WWOX: variants seen among roughly 807,000 people sequenced by gnomAD.
The protein encoded by WWOX is WW domain containing oxidoreductase.
Under a neutral mutation model 46.2 loss-of-function variants are expected in WWOX, and 69 were observed. The ratio of observed to expected loss-of-function variants is 1.49; its 90% CI spans 1.23 to 1.82. WWOX has a LOEUF of 1.82. Among genes scored for constraint, WWOX ranks in the 40% most tolerant of loss-of-function variants. WWOX has a pLI of 0.00. For missense variants in WWOX, 919 were observed against 542.6 expected (o/e 1.69, Z -6.89); for synonymous variants, 359 against 202.6 (o/e 1.77, Z -6.56).
intron 1 of WWOX, 64 bp from the exon 2 acceptor site, chr16:78,108,359 A>T (rs975587683): frequency 2.5e-5 from 38 of 1,522,970 alleles, no homozygotes; most frequent in Non-Finnish European, 3.3e-5. Flanking sequence ...AATTTAATAC[A>T]ATTGATTACT....
chr16:79,201,303 C>T (rs1166738765), intron 8 of WWOX, among the ~76,000 whole-genome samples: 1 of 151,914 alleles, frequency 6.6e-6, no homozygotes, highest in African/African-American at 2.4e-5. Context: ...AAGGGCCTCT[C>T]CCTTCCCTAG....
chr16:78,914,758 A>T (rs1173375140), intron 8 of WWOX, among the ~76,000 whole-genome samples: 1 of 151,800 alleles, frequency 6.6e-6, no homozygotes, highest in African/African-American at 2.4e-5. Context: ...AGGCGCCTGT[A>T]GTCCCAGCTA....
chr16:78,903,260 A>T (rs9928795), intron 8 of WWOX, among the ~76,000 whole-genome samples: 1 of 152,104 alleles, frequency 6.6e-6, no homozygotes, highest in African/African-American at 2.4e-5. Flanking sequence ...GAAAGCAACC[A>T]ATCAGAGGCT....
At chr16:78,560,946 T>C (rs2044420602) in intron 8 of WWOX, among the ~76,000 whole-genome samples, 1 of 152,204 alleles carries the variant, frequency 6.6e-6, no homozygotes, top group South Asian at 2.1e-4. Flanking sequence ...TACAATTCTC[T>C]AGATCAGAAG....
At chr16:78,430,210 A>G (rs867279491) in intron 7 of WWOX, among the ~76,000 whole-genome samples, 1 of 152,058 alleles carries the variant, frequency 6.6e-6, no homozygotes, top group Non-Finnish European at 1.5e-5. Context: ...ATTTCGTGAG[A>G]CTTATTCACT....
intron 5 of WWOX, among the ~76,000 whole-genome samples, chr16:78,193,909 G>A (rs978879732): frequency 2.0e-5 from 3 of 148,148 alleles, no homozygotes; most frequent in Non-Finnish European, 3.0e-5. Context: ...ACGGACTCTC[G>A]CACTGTCGCC....
chr16:78,139,284 G>C (rs2033905022), intron 4 of WWOX, among the ~76,000 whole-genome samples: 1 of 152,198 alleles, frequency 6.6e-6, no homozygotes, highest in Non-Finnish European at 1.5e-5. Flanking sequence ...GCATTTAACT[G>C]ATTAGAATTG....
chr16:79,014,510 C>G (rs1053169200), intron 8 of WWOX, among the ~76,000 whole-genome samples: 7 of 152,282 alleles, frequency 4.6e-5, no homozygotes, highest in African/African-American at 1.7e-4. Context: ...AGCCGTTGCT[C>G]CAGATCCTTC....
At chr16:79,007,134 T>A (rs956429422) in intron 8 of WWOX, among the ~76,000 whole-genome samples, 2 of 152,178 alleles carry the variant, frequency 1.3e-5, no homozygotes, top group African/African-American at 4.8e-5. Context: ...ACAGACAAGA[T>A]CCTTGCACTT....
intron 8 of WWOX, among the ~76,000 whole-genome samples, chr16:78,946,451 A>G (rs1456259663): frequency 6.6e-6 from 1 of 152,184 alleles, no homozygotes; most frequent in African/African-American, 2.4e-5. Flanking sequence ...TCGGCCTCCC[A>G]GAGTGCTAGG....
intron 5 of WWOX, among the ~76,000 whole-genome samples, chr16:78,375,446 C>A (rs1242690980): frequency 2.0e-5 from 3 of 152,214 alleles, no homozygotes; most frequent in Non-Finnish European, 4.4e-5. Flanking sequence ...GTCAATCATT[C>A]ATTTTCTAAA....
chr16:78,239,670 G>A (rs1033142916), intron 5 of WWOX, among the ~76,000 whole-genome samples: 10 of 152,024 alleles, frequency 6.6e-5, no homozygotes, highest in African/African-American at 1.7e-4. Context: ...GAGTAGGTGG[G>A]TCTACAGTCA....
intron 8 of WWOX, among the ~76,000 whole-genome samples, chr16:78,830,143 C>T (rs2051776422): frequency 6.6e-6 from 1 of 151,966 alleles, no homozygotes; most frequent in East Asian, 1.9e-4. Context: ...AATACTTCTG[C>T]AACAGCAGCA....
At chr16:78,737,051 GTCTATT>G (rs1453280371) in intron 8 of WWOX, among the ~76,000 whole-genome samples, 1 of 151,946 alleles carries the variant, frequency 6.6e-6, no homozygotes, top group East Asian at 1.9e-4. Flanking sequence ...TGGGTTATAT[GTCTATT>G]TTTTTGGTCG....
chr16:78,191,299 C>T (rs2035876255), intron 5 of WWOX, among the ~76,000 whole-genome samples: 1 of 152,134 alleles, frequency 6.6e-6, no homozygotes, highest in Non-Finnish European at 1.5e-5. Flanking sequence ...TGGGATTTAG[C>T]CCTACCTTGC....
chr16:78,220,219 C>G (rs531275828), intron 5 of WWOX, among the ~76,000 whole-genome samples: 1 of 152,122 alleles, frequency 6.6e-6, no homozygotes, highest in Non-Finnish European at 1.5e-5. Context: ...TCTTTGGCCT[C>G]CCATGTGGGT....
intron 8 of WWOX, among the ~76,000 whole-genome samples, chr16:78,596,016 A>C (rs1178086849): frequency 6.6e-6 from 1 of 152,186 alleles, no homozygotes; most frequent in African/African-American, 2.4e-5. Flanking sequence ...GAAAAATACT[A>C]AATGGTAGGA....
chr16:78,398,240 C>T (rs1248162977), intron 6 of WWOX, among the ~76,000 whole-genome samples: 1 of 152,134 alleles, frequency 6.6e-6, no homozygotes, highest in Non-Finnish European at 1.5e-5. Flanking sequence ...CTGCTGTGGC[C>T]CACCCAGGCC....
intron 8 of WWOX, among the ~76,000 whole-genome samples, chr16:78,560,518 C>T (rs11639799): frequency 1.3e-5 from 2 of 152,002 alleles, no homozygotes; most frequent in African/African-American, 4.8e-5. Context: ...GCGGTGCATG[C>T]CTGTAATCCC....
Sources: gnomAD v4.1 joint callset for allele counts (sites outside exome capture counted in the v4.1 genomes callset) on GRCh38, gnomAD v4.1.1 for gene constraint, MANE v1.5 for transcripts, NCBI Gene and HGNC (gene_info 2026-07-23, HGNC 2026-07-21) for gene names.